SEPTIN8: variants seen among roughly 807,000 people sequenced by gnomAD.
SEPTIN8 encodes the protein septin 8.
Under a neutral mutation model 53.1 loss-of-function variants are expected in SEPTIN8, and 22 were observed. That is an observed-to-expected ratio of 0.41 (90% CI 0.30 to 0.59). The LOEUF is 0.59. SEPTIN8 is among the 20% of genes least tolerant of loss of function. SEPTIN8 has a pLI of 0.24. For missense variants in SEPTIN8, 536 were observed against 638.7 expected (o/e 0.84, Z 1.73); for synonymous variants, 228 against 248.4 (o/e 0.92, Z 0.77).
rs1447833560 is a variant in SEPTIN8 at position 132,770,084 on chromosome 5, T to C, written c.31-4555A>G. 1.9e-4 allele frequency among the ~76,000 whole-genome samples: 10 copies of C among 51,810 alleles called. No individual in the cohort carries two copies. In the African/African-American group the frequency reaches 2.1e-3, roughly 11 times the overall value. The allele number at this position is 51,810 out of a possible 152,430, so 34.0% of individuals were successfully genotyped here. A position where few individuals can be genotyped will look rare whatever the true frequency, so the allele number is the denominator to read the frequency against. On this transcript the variant is annotated intron_variant, in intron 1 of 9. Transcript: ENST00000378719. ...GTGTGTATATATATATATATATGTATATATGTATATATATATGTATATATG... is the reference window on the plus strand; with the variant it reads ...GTGTGTATATATATATATATATGTACATATGTATATATATATGTATATATG...
chr5:132,758,995 T>C (rs1029664075), intron 9 of SEPTIN8: 1 of 755,210 alleles, frequency 1.3e-6, no homozygotes, highest in East Asian at 2.7e-5. Context: ...TGTCCCAGGC[T>C]AAGGGTCAAG....
At chr5:132,762,833 G>A (rs563701407) in intron 4 of SEPTIN8, among the ~76,000 whole-genome samples, 188 bp from the exon 5 acceptor site, 10 of 152,302 alleles carry the variant, frequency 6.6e-5, no homozygotes, top group Admixed American at 2.6e-4. Flanking sequence ...CCATTCTGAT[G>A]AGTTTCAACA....
intron 1 of SEPTIN8, among the ~76,000 whole-genome samples, chr5:132,769,690 C>T (rs1365507521): frequency 6.6e-6 from 1 of 151,890 alleles, no homozygotes; most frequent in Non-Finnish European, 1.5e-5. Context: ...TGCCCAAGAC[C>T]ACACTGCTCA....
At position 132,760,457 on chromosome 5, in the gene SEPTIN8, A is replaced by G. The variant is rs954472165; in HGVS notation, c.1286+345T>C. ...CAGGGCCACAGCTGCCAAGGGGGCT[A>G]TGGGAGAGCGAATGGGTGAGCAAGA... On this transcript the variant is annotated intron_variant, in intron 9 of 9. Transcript: ENST00000378719. The surrounding 1 kb of genome is among the most constrained non-coding windows in gnomAD (Gnocchi z 5.2). 1.3e-5 allele frequency among the ~76,000 whole-genome samples: 2 copies of G among 151,982 alleles called. No homozygotes were observed. Among genetic ancestry groups the G allele is most frequent in the Non-Finnish European group, 2.9e-5 (2 of 68,006 alleles).
chr5:132,754,478 A>G, intron 9 of SEPTIN8: 2 of 717,492 alleles, frequency 2.8e-6, no homozygotes, highest in Non-Finnish European at 2.6e-6. Flanking sequence ...CCAGGTGGCT[A>G]TGGATGTGAG....
chr5:132,761,220 C>G lies in SEPTIN8; in HGVS notation c.1008G>C (p.Glu336Asp). The G allele has an allele frequency of 6.2e-7, 1 of 1,614,224 alleles. No individual in the cohort carries two copies. The highest frequency in any genetic ancestry group is 8.5e-7 in the Non-Finnish European group (1 of 1,180,048). Residue 336 changes from glutamate (E) to aspartate (D), a missense_variant, in exon 8 of 10, where the codon GAG becomes GAC. Physicochemically the swap from Glu to Asp is conservative, Grantham distance 45. Around this residue, in one of 3 missense-constraint regions of SEPTIN8, gnomAD observed 395 missense variants for 451.8 expected, o/e 0.87. Transcript: ENST00000378719. This position sits in a 1 kb window ranked among gnomAD's most constrained non-coding sequence, Gnocchi z 5.8. ...YEAKRKEFLS[E>D]LQRKEEEMRQ... The stretch of plus-strand genomic sequence containing the variant: ...TCATCTCTTCCTCCTTCCTCTGCAG[C>G]TCACTTAGGAACTCCTTCCTCTTGG...
intron 9 of SEPTIN8, among the ~76,000 whole-genome samples, chr5:132,759,240 T>C (rs1755652749): frequency 6.6e-6 from 1 of 151,946 alleles, no homozygotes; most frequent in Admixed American, 6.5e-5. Flanking sequence ...GCGTTTTCTC[T>C]CCCAGGGACC....
At position 132,759,554 on chromosome 5, in the gene SEPTIN8, G is replaced by A. The variant is rs559523660; in HGVS notation, c.1286+1248C>T. Among the ~76,000 whole-genome samples the A allele has an allele frequency of 1.9e-4, 29 of 152,342 alleles. No homozygotes were observed. In the South Asian group the frequency reaches 5.8e-3, roughly 30 times the overall value. The stretch of plus-strand genomic sequence containing the variant: ...TTCTTTAACAAGATGGCAGGAAGCA[G>A]GGCAAAGTCACTTTGGGTGCCAGTA... On this transcript the variant is annotated intron_variant, in intron 9 of 9. Coordinates refer to ENST00000378719, the MANE Select transcript of SEPTIN8 (RefSeq NM_001098811.2).
chr5:132,770,004 T>TATATATATATATATATAC (rs1757039353), intron 1 of SEPTIN8, among the ~76,000 whole-genome samples: 1 of 50,314 alleles, frequency 2.0e-5, no homozygotes, highest in African/African-American at 8.4e-5. Context: ...TATATATATA[T>TATATATATATATATATAC]ATATATATAT....
chr5:132,779,066 C>A (rs1219384369), upstream of SEPTIN8, among the ~76,000 whole-genome samples: 2 of 152,200 alleles, frequency 1.3e-5, no homozygotes, highest in African/African-American at 4.8e-5. Flanking sequence ...GAAGGAAAAG[C>A]TCAGAGTACA....
intron 9 of SEPTIN8, chr5:132,752,940 C>T (rs745638121): frequency 4.3e-6 from 7 of 1,614,122 alleles, no homozygotes; most frequent in Middle Eastern, 3.3e-4. Flanking sequence ...CATCCTCCTG[C>T]ACAGACAACT....
upstream of SEPTIN8, among the ~76,000 whole-genome samples, chr5:132,778,884 C>G (rs962568488): frequency 5.3e-5 from 8 of 152,194 alleles, no homozygotes; most frequent in Non-Finnish European, 2.9e-5. Context: ...CTACTGTTTC[C>G]TTTTTCTTTC....
chr5:132,763,565 G>C (rs1756220740), intron 4 of SEPTIN8, 141 bp downstream of exon 4: 7 of 717,414 alleles, frequency 9.8e-6, no homozygotes. Flanking sequence ...AAGACAGAGA[G>C]AGGACCGAGC....
chr5:132,763,671 A>G (rs145163645), intron 4 of SEPTIN8, 35 bp downstream of exon 4: 17 of 1,591,250 alleles, frequency 1.1e-5, no homozygotes, highest in South Asian at 7.8e-5. Flanking sequence ...GCAGAAGACT[A>G]TGGAGCCTGT....
In SEPTIN8 at chr5:132,761,904, G is replaced by A. The variant is rs1756013997; in HGVS notation, c.697-8C>T. 3 of 1,576,610 alleles carry A rather than the reference G, an allele frequency of 1.9e-6. No individual in the cohort carries two copies. The highest frequency in any genetic ancestry group is 1.3e-5 in the African/African-American group (1 of 74,252). ...GGCAAAGGGCAGATGTGCCTGGAAAGGGGCCCGGGTATGCGTAAGCCCTGA... is the reference window on the plus strand; with the variant it reads ...GGCAAAGGGCAGATGTGCCTGGAAAAGGGCCCGGGTATGCGTAAGCCCTGA... On this transcript the variant is annotated splice_polypyrimidine_tract_variant and splice_region_variant and intron_variant, in intron 5 of 9. Transcript: ENST00000378719. This position sits in a 1 kb window ranked among gnomAD's most constrained non-coding sequence, Gnocchi z 5.8.
Position 132,752,075 on chromosome 5 carries a change from C to T in SEPTIN8, c.1393G>A (p.Ala465Thr), listed in dbSNP as rs760371108. Residue 465 changes from alanine to threonine, a missense_variant, in exon 10 of 10, where the codon GCC (alanine) becomes ACC (threonine). Around this residue, in one of 3 missense-constraint regions of SEPTIN8, gnomAD observed 133 missense variants for 157.4 expected, o/e 0.84. Transcript: ENST00000378719. ...EPLNCSSWWPAIQCCSCLVRD... is the reference protein window; with the variant it reads ...EPLNCSSWWPTIQCCSCLVRD... The stretch of plus-strand genomic sequence containing the variant: ...ACCAGGCAGCTGCAGCACTGTATGG[C>T]GGGCCACCAGCTGCTGCAGTTCAAG... The T allele has an allele frequency of 1.8e-5, 29 of 1,604,842 alleles. No homozygotes were observed. Among genetic ancestry groups the T allele is most frequent in the South Asian group, 6.7e-5 (6 of 88,928 alleles).
Position 132,761,118 on chromosome 5 carries a change from C to G in SEPTIN8, c.1095+15G>C. 2 of 1,614,168 alleles carry G rather than the reference C, an allele frequency of 1.2e-6. No individual in the cohort carries two copies. Among genetic ancestry groups the G allele is most frequent in the Non-Finnish European group, 1.7e-6 (2 of 1,179,998 alleles). On this transcript the variant is annotated intron_variant, in intron 8 of 9. Transcript: ENST00000378719. The surrounding 1 kb of genome is among the most constrained non-coding windows in gnomAD (Gnocchi z 5.8). ...CCCTCAGCTTCCCCATCCCAGCCCCCAGCCTGGCACATACCTCCCTTTCCT... is the reference window on the plus strand; with the variant it reads ...CCCTCAGCTTCCCCATCCCAGCCCCGAGCCTGGCACATACCTCCCTTTCCT...
intron 9 of SEPTIN8, chr5:132,752,877 G>A (rs1754982124): frequency 6.2e-7 from 1 of 1,613,896 alleles, no homozygotes; most frequent in Non-Finnish European, 8.5e-7. Context: ...TTGGTGATAT[G>A]CAGTACAGCT....
chr5:132,757,769 T>TA, intron 9 of SEPTIN8: 2 of 985,456 alleles, frequency 2.0e-6, no homozygotes, highest in South Asian at 9.4e-5. Context: ...AGTACTTCCT[T>TA]AAAATGTTCC....
Sources: gnomAD v4.1 joint callset for allele counts (sites outside exome capture counted in the v4.1 genomes callset) on GRCh38, gnomAD v4.1.1 for gene constraint, gnomAD v4.1.1 regional missense constraint, Gnocchi (gnomAD v3.1) non-coding constraint, MANE v1.5 for transcripts, NCBI Gene and HGNC (gene_info 2026-07-23, HGNC 2026-07-21) for gene names.